CACNA2D3: variants seen among roughly 807,000 people sequenced by gnomAD.
CACNA2D3 encodes the protein voltage-dependent calcium channel subunit alpha-2/delta-3.
A neutral mutation model predicts 160.6 loss-of-function variants in CACNA2D3; 60 were observed. The ratio of observed to expected loss-of-function variants is 0.37; its 90% CI spans 0.30 to 0.46. CACNA2D3 has a LOEUF of 0.46. Among genes scored for constraint, CACNA2D3 ranks in the 20% least tolerant of loss-of-function variants. CACNA2D3 has a pLI of 1.00. For synonymous variants in CACNA2D3, 558 were observed against 492.9 expected, an observed-to-expected ratio of 1.13 and a Z score of -1.75; for missense variants, 1,205 against 1,365.0, an observed-to-expected ratio of 0.88 and a Z score of 1.85.
intron 2 of CACNA2D3, among the ~76,000 whole-genome samples, chr3:54,171,741 T>C (rs1181922172): frequency 6.6e-6 from 1 of 152,196 alleles, no homozygotes; most frequent in Non-Finnish European, 1.5e-5. Flanking sequence ...GGTCTGTGGC[T>C]CTAATGGCAT....
intron 16 of CACNA2D3, among the ~76,000 whole-genome samples, chr3:54,841,121 A>G (rs533798037): frequency 6.6e-6 from 1 of 152,372 alleles, no homozygotes; most frequent in East Asian, 1.9e-4. Flanking sequence ...AATAATAACT[A>G]AAATACACTA....
At chr3:54,753,676 T>A (rs1202777690) in intron 12 of CACNA2D3, among the ~76,000 whole-genome samples, 1 of 152,246 alleles carries the variant, frequency 6.6e-6, no homozygotes, top group Non-Finnish European at 1.5e-5. Context: ...GTTGGTCAAC[T>A]TTAACTTGCC....
At chr3:54,218,530 T>A (rs1043841901) in intron 2 of CACNA2D3, among the ~76,000 whole-genome samples, 5 of 152,258 alleles carry the variant, frequency 3.3e-5, no homozygotes, top group African/African-American at 1.2e-4. Flanking sequence ...GTCTTACAGT[T>A]TTTATTTCTC....
intron 5 of CACNA2D3, among the ~76,000 whole-genome samples, chr3:54,516,470 G>C (rs80190145): frequency 3.3e-5 from 5 of 152,124 alleles, no homozygotes; most frequent in South Asian, 2.1e-4. Context: ...AACTGCTGCT[G>C]TGCTGTTTCA....
At chr3:54,799,888 C>G (rs1001110478) in intron 13 of CACNA2D3, among the ~76,000 whole-genome samples, 2 of 152,142 alleles carry the variant, frequency 1.3e-5, no homozygotes, top group Admixed American at 6.5e-5. Context: ...TACTGTGTCC[C>G]CATTGGTACT....
chr3:54,232,944 C>G (rs1236377772), intron 2 of CACNA2D3, among the ~76,000 whole-genome samples: 3 of 152,224 alleles, frequency 2.0e-5, no homozygotes, highest in African/African-American at 7.2e-5. Flanking sequence ...TAACCCATCT[C>G]TACTCCCAAG....
chr3:54,694,020 C>G (rs1337043194), intron 11 of CACNA2D3, among the ~76,000 whole-genome samples: 1 of 152,104 alleles, frequency 6.6e-6, no homozygotes, highest in Non-Finnish European at 1.5e-5. Context: ...GTGTATAGTG[C>G]TTCTAAAGTG....
intron 31 of CACNA2D3, among the ~76,000 whole-genome samples, chr3:54,999,896 T>G (rs1047438848): frequency 2.6e-5 from 4 of 152,204 alleles, no homozygotes; most frequent in Non-Finnish European, 5.9e-5. Context: ...CCAGCATGGG[T>G]GCAGGGCTAC....
chr3:54,736,100 CATATATATGTATAT>C (rs1254075334), intron 11 of CACNA2D3, among the ~76,000 whole-genome samples: 7 of 47,916 alleles, frequency 1.5e-4, no homozygotes, highest in Non-Finnish European at 2.7e-4. Context: ...TATATATATA[CATATATATGTATAT>C]ATATACATAT....
At chr3:54,402,725 G>C (rs1038953902) in intron 4 of CACNA2D3, among the ~76,000 whole-genome samples, 1 of 152,096 alleles carries the variant, frequency 6.6e-6, no homozygotes, top group Admixed American at 6.6e-5. Flanking sequence ...AGATCAAGCA[G>C]ATGAAAATTA....
chr3:54,756,337 C>T (rs1213333593), intron 12 of CACNA2D3, among the ~76,000 whole-genome samples: 1 of 152,182 alleles, frequency 6.6e-6, no homozygotes, highest in African/African-American at 2.4e-5. Context: ...ATGTGATATT[C>T]CAGTCATCTG....
chr3:54,584,262 C>G (rs1702724467), intron 9 of CACNA2D3, among the ~76,000 whole-genome samples: 1 of 152,104 alleles, frequency 6.6e-6, no homozygotes, highest in African/African-American at 2.4e-5. Flanking sequence ...GTTGGAATTA[C>G]AAAATTGTTT....
Position 54,498,966 on chromosome 3 carries a change from CATT to C in CACNA2D3, c.382-4520_382-4518del, listed in dbSNP as rs1013696919. Among the ~76,000 whole-genome samples the C allele has an allele frequency of 3.9e-5, 6 of 151,962 alleles. No individual in the cohort carries two copies. In the South Asian group the frequency reaches 1.0e-3, roughly 26 times the overall value. ...CATACATTGATTTCTAAATTTAGCT[CATT>C]ATTATCAGAGAACATAGTATGTGGA... is the stretch of plus-strand genomic sequence containing the variant. On this transcript the variant is annotated intron_variant, in intron 4 of 37. Coordinates refer to ENST00000474759, the MANE Select transcript of CACNA2D3 (RefSeq NM_018398.3).
intron 2 of CACNA2D3, among the ~76,000 whole-genome samples, chr3:54,295,911 G>A (rs111514465): frequency 6.6e-6 from 1 of 152,116 alleles, no homozygotes; most frequent in Admixed American, 6.5e-5. Flanking sequence ...GTGATTTTGG[G>A]GTCCTAAGAT....
intron 3 of CACNA2D3, among the ~76,000 whole-genome samples, chr3:54,364,607 G>A (rs1256454524): frequency 6.6e-6 from 1 of 152,208 alleles, no homozygotes; most frequent in Non-Finnish European, 1.5e-5. Flanking sequence ...AAAAAGGATG[G>A]CAAATGGAAG....
chr3:54,822,790 C>CTTTT (rs1491160047), intron 14 of CACNA2D3, among the ~76,000 whole-genome samples: 1,536 of 71,902 alleles, frequency 0.021, 54 homozygotes, highest in East Asian at 0.056. Context: ...TTCTTTCTTT[C>CTTTT]CTTTCTTTCT....
chr3:54,158,977 TG>T (rs1212996359), intron 2 of CACNA2D3, among the ~76,000 whole-genome samples: 4 of 152,246 alleles, frequency 2.6e-5, no homozygotes, highest in African/African-American at 9.6e-5. Context: ...TTTTATCTCC[TG>T]GAAGAAGCCT....
intron 4 of CACNA2D3, among the ~76,000 whole-genome samples, chr3:54,441,373 A>T (rs921588708): frequency 2.0e-5 from 3 of 152,066 alleles, no homozygotes; most frequent in Admixed American, 6.6e-5. Context: ...TTCATTGTAG[A>T]TTCTGGATAT....
At chr3:55,026,616 G>T (rs1703568503) in intron 35 of CACNA2D3, among the ~76,000 whole-genome samples, 2 of 152,206 alleles carry the variant, frequency 1.3e-5, no homozygotes, top group South Asian at 4.1e-4. Context: ...GCACACCCGG[G>T]CAGAGAGAAG....
Sources: allele counts gnomAD v4.1 joint callset (sites outside exome capture counted in the v4.1 genomes callset), GRCh38; gene constraint gnomAD v4.1.1; transcripts MANE v1.5; gene names NCBI Gene and HGNC (gene_info 2026-07-23, HGNC 2026-07-21).